ASGR1: variants seen among roughly 807,000 people sequenced by gnomAD.
The protein encoded by ASGR1 is asialoglycoprotein receptor 1, also known as C-type lectin domain family 4 member H1.
ASGR1 carries 35 observed loss-of-function variants against 33.1 expected under a neutral mutation model. That is an observed-to-expected ratio of 1.06 (90% confidence interval 0.81 to 1.40). The LOEUF is 1.40. ASGR1 is among the 40% of genes most tolerant of loss of function. The pLI is 0.00. For synonymous variants in ASGR1, 142 were observed against 152.5 expected (o/e 0.93, Z 0.51); for missense variants, 396 against 373.7 (o/e 1.06, Z -0.49).
chr17:7,173,704 G>A lies in ASGR1; in HGVS notation c.831C>T (p.Cys277=). 6.2e-7 allele frequency: 1 copy of A among 1,613,858 alleles called. No individual in the cohort carries two copies. Residue 277 remains cysteine, a synonymous_variant, in exon 9 of 9, where the codon TGC becomes TGT. Coordinates refer to ENST00000269299, the MANE Select transcript of ASGR1 (RefSeq NM_001671.5). The surrounding 1 kb of genome is among the most constrained non-coding windows in gnomAD (Gnocchi z 4.7). The part of the protein sequence containing the change: ...DVCQRPYRWV[C]ETELDKASQE... ...GGCTGGCCTTGTCCAGCTCTGTCTC[G>A]CAGACCCAGCGGTAGGGCCTCTGGC...
chr17:7,175,799 T>TC (rs1256902243), intron 5 of ASGR1, among the ~76,000 whole-genome samples: 8 of 131,334 alleles, frequency 6.1e-5, no homozygotes, highest in Non-Finnish European at 1.1e-4. Context: ...ACACACACAC[T>TC]CCCTCTCATT....
At chr17:7,174,612 TAC>T (rs146843548) in intron 5 of ASGR1, 152 bp from the exon 6 acceptor site, 22,214 of 522,210 alleles carry the variant, frequency 0.043, 136 homozygotes, top group Middle Eastern at 0.065. Context: ...GAGACCCCCA[TAC>T]ACACACACAC....
At chr17:7,174,580 A>G in intron 5 of ASGR1, 120 bp from the exon 6 acceptor site, 1 of 1,015,160 alleles carries the variant, frequency 9.9e-7, no homozygotes, top group Non-Finnish European at 1.5e-6. Context: ...CATTGCCACA[A>G]ACAGCAGCGG....
chr17:7,176,013 GACTC>G (rs1376946498), intron 5 of ASGR1, among the ~76,000 whole-genome samples: 2 of 129,890 alleles, frequency 1.5e-5, no homozygotes, highest in Non-Finnish European at 1.6e-5. Context: ...CATAAACACA[GACTC>G]ACACTCGTAC....
At chr17:7,177,538 C>G (rs1032465547) in intron 2 of ASGR1, 32 of 530,954 alleles carry the variant, frequency 6.0e-5, no homozygotes, top group African/African-American at 5.8e-4. Flanking sequence ...AGCGCTGAGC[C>G]GCCCCATCCC....
rs747875423 is a variant in ASGR1 at position 7,177,036 on chromosome 17, C to T, written c.228G>A (p.Thr76=). Residue 76 remains threonine, a synonymous_variant, in exon 4 of 9, where the codon ACG becomes ACA. Transcript: ENST00000269299. The part of the protein sequence containing the change: ...LQEELRGLRE[T]FSNFTASTEA... Reference sequence around the variant, plus strand: ...CCGTGCTCGCTGTGAAGTTGCTGAACGTCTCTCTCAGGCCCCGCAGCTCCT... The same window carrying T: ...CCGTGCTCGCTGTGAAGTTGCTGAATGTCTCTCTCAGGCCCCGCAGCTCCT... The T allele has an allele frequency of 1.9e-6, 3 of 1,612,694 alleles. No homozygotes were observed. The highest frequency in any genetic ancestry group is 1.3e-5 in the African/African-American group (1 of 74,758).
Position 7,173,795 on chromosome 17 carries a change from T to C in ASGR1, c.740A>G (p.His247Arg). The stretch of plus-strand genomic sequence containing the variant: ...ACAGTCCTCGCCTCCTCCGAGCCCG[T>C]GGCCGTACCAGTCGTCCGGCTGCTC... The part of the protein sequence containing the change: ...RPEQPDDWYG[H>R]GLGGGEDCAH... Residue 247 changes from histidine (H) to arginine (R), a missense_variant, in exon 9 of 9, where the codon CAC (histidine) becomes CGC (arginine). Coordinates refer to ENST00000269299, the MANE Select transcript of ASGR1 (RefSeq NM_001671.5). This position sits in a 1 kb window ranked among gnomAD's most constrained non-coding sequence, Gnocchi z 4.7. The C allele has an allele frequency of 6.2e-7, 1 of 1,612,354 alleles. No individual in the cohort carries two copies. The highest frequency in any genetic ancestry group is 8.5e-7 in the Non-Finnish European group (1 of 1,179,800).
chr17:7,174,186 G>T lies in ASGR1; in HGVS notation c.546C>A (p.Cys182Ter), dbSNP rs1419076728. 6.2e-7 allele frequency: 1 copy of T among 1,614,192 alleles called. No homozygotes were observed. ...GKAWADADNYCRLEDAHLVVV... is the reference protein window; with the variant it reads ...GKAWADADNY ...CCACCAGGTGCGCGTCCTCCAGCCGGCAGTAGTTGTCGGCGTCAGCCCAGG... is the reference window on the plus strand; with the variant it reads ...CCACCAGGTGCGCGTCCTCCAGCCGTCAGTAGTTGTCGGCGTCAGCCCAGG... The change falls in exon 7 of 9, where the codon TGC becomes TGA. Residue 182 changes from cysteine to a stop codon, truncating the protein, a stop_gained. Transcript: ENST00000269299. LOFTEE classifies it high-confidence loss of function.
At chr17:7,175,605 C>T (rs963362866) in intron 5 of ASGR1, among the ~76,000 whole-genome samples, 2 of 141,110 alleles carry the variant, frequency 1.4e-5, no homozygotes, top group Admixed American at 6.8e-5. Context: ...CTTACATTCT[C>T]ACACACGCAA....
chr17:7,176,549 T>TCA (rs377268365), intron 5 of ASGR1: 305 of 487,014 alleles, frequency 6.3e-4, no homozygotes, highest in Non-Finnish European at 8.4e-4. Context: ...CATCTCATTC[T>TCA]CACACACACA....
intron 7 of ASGR1, 24 bp downstream of exon 7, chr17:7,174,114 C>T: frequency 1.2e-6 from 2 of 1,614,082 alleles, no homozygotes; most frequent in Middle Eastern, 1.7e-4. Flanking sequence ...GCCAGCCAGC[C>T]TCCCAGACCC....
In ASGR1 at chr17:7,173,604, G is replaced by A; in HGVS notation, c.*55C>T. 1 of 1,606,924 alleles carries A rather than the reference G, an allele frequency of 6.2e-7. No homozygotes were observed. On this transcript the variant is annotated 3_prime_UTR_variant, in exon 9 of 9. Coordinates refer to ENST00000269299, the MANE Select transcript of ASGR1 (RefSeq NM_001671.5). The surrounding 1 kb of genome is among the most constrained non-coding windows in gnomAD (Gnocchi z 4.7). ...GAGAAAGCAGAAGAGGCCCCCAGAT[G>A]GGCGGATTCCCAATCCCGGACCCCT...
rs745390985 is a variant in ASGR1 at position 7,177,237 on chromosome 17, C to T, written c.160G>A (p.Val54Met). ...TGGGATCCGATCACACAGACAACCA[C>T]AAGCAGCAGGAGGCTGAGGCCCAGG... Reference protein sequence around the residue: ...LSLGLSLLLLVVVCVIGSQNS... With the variant: ...LSLGLSLLLLMVVCVIGSQNS... Residue 54 changes from valine (V) to methionine (M), a missense_variant, in exon 3 of 9, where the codon GTG (valine) becomes ATG (methionine). Physicochemically the swap from Val to Met is conservative, Grantham distance 21. Coordinates refer to ENST00000269299, the MANE Select transcript of ASGR1 (RefSeq NM_001671.5). 1.1e-5 allele frequency: 18 copies of T among 1,613,704 alleles called. No homozygotes were observed. Among genetic ancestry groups the T allele is most frequent in the Non-Finnish European group, 1.5e-5 (18 of 1,179,966 alleles).
intron 5 of ASGR1, among the ~76,000 whole-genome samples, chr17:7,175,783 T>TCTCA (rs776606904): frequency 4.1e-5 from 6 of 144,998 alleles, no homozygotes; most frequent in African/African-American, 1.6e-4. Flanking sequence ...ACACAGGCTC[T>TCTCA]CACACACACA....
At position 7,176,160 on chromosome 17, in the gene ASGR1, GAC is replaced by G. The variant is rs1258696283; in HGVS notation, c.355+668_355+669del. ...CACACCCATCTCATTCTCACACACA[GAC>G]ACACACCCCATCTCATTCTCACACT... On this transcript the variant is annotated intron_variant, in intron 5 of 8. Coordinates refer to ENST00000269299, the MANE Select transcript of ASGR1 (RefSeq NM_001671.5). Among the ~76,000 whole-genome samples the G allele has an allele frequency of 7.7e-3, 891 of 116,210 alleles. 8 individuals carry two copies. The highest frequency in any genetic ancestry group is 0.028 in the African/African-American group (836 of 29,924). 76.2% of individuals were successfully genotyped at this position (116,210 alleles called of 152,430 possible).
chr17:7,177,472 G>GC (rs2069231897), intron 2 of ASGR1, 146 bp from the exon 3 acceptor site: 1 of 631,806 alleles, frequency 1.6e-6, no homozygotes. Context: ...GGGCGACCCT[G>GC]CAGGGCCAGA....
At position 7,177,026 on chromosome 17, in the gene ASGR1, A is replaced by C; in HGVS notation, c.238T>G (p.Phe80Val). ...ACCTGGGCCTCCGTGCTCGCTGTGA[A>C]GTTGCTGAACGTCTCTCTCAGGCCC... ...LRGLRETFSN[F>V]TASTEAQVKG... is the part of the protein sequence containing the mutation. Residue 80 changes from phenylalanine (F) to valine (V), a missense_variant, in exon 4 of 9, where the codon TTC (phenylalanine) becomes GTC (valine). By Grantham distance (50) the Phe-to-Val change is conservative. Coordinates refer to ENST00000269299, the MANE Select transcript of ASGR1 (RefSeq NM_001671.5). 1 of 1,613,106 alleles carries C rather than the reference A, an allele frequency of 6.2e-7. No individual in the cohort carries two copies. The highest frequency in any genetic ancestry group is 1.1e-5 in the South Asian group (1 of 91,040).
At chr17:7,176,153 A>T (rs564665763) in intron 5 of ASGR1, among the ~76,000 whole-genome samples, 19 of 144,268 alleles carry the variant, frequency 1.3e-4, no homozygotes, top group Non-Finnish European at 2.4e-4. Flanking sequence ...TCTCATTCTC[A>T]CACACAGACA....
intron 5 of ASGR1, among the ~76,000 whole-genome samples, chr17:7,176,112 TCA>T (rs1340449263): frequency 2.8e-5 from 4 of 142,912 alleles, no homozygotes; most frequent in Admixed American, 6.9e-5. Context: ...CCTCTCATTC[TCA>T]CACTCAGACT....
Sources: gnomAD v4.1 joint callset for allele counts (sites outside exome capture counted in the v4.1 genomes callset) on GRCh38, gnomAD v4.1.1 for gene constraint, Gnocchi (gnomAD v3.1) non-coding constraint, MANE v1.5 for transcripts, NCBI Gene and HGNC (gene_info 2026-07-23, HGNC 2026-07-21) for gene names.